The following GNG7 variants were observed in gnomAD, a reference collection of about 807,000 sequenced individuals.
The protein encoded by GNG7 is G protein subunit gamma 7.
A neutral mutation model predicts 4.0 loss-of-function variants in GNG7; 1 was observed. That is an observed-to-expected ratio of 0.25 (90% CI 0.09 to 1.18). The LOEUF (loss-of-function observed/expected upper bound fraction) is 1.18, where lower values mean the gene tolerates loss of function less well. Ranked by LOEUF, GNG7 falls within the 50% of genes most tolerant of loss-of-function variation. GNG7 has a pLI of 0.50. For synonymous variants in GNG7, 34 were observed against 36.9 expected (o/e 0.92, Z 0.29); for missense variants, 86 against 91.9 (o/e 0.94, Z 0.26).
chr19:2,526,779 A>G (rs1339655113), intron 3 of GNG7, among the ~76,000 whole-genome samples: 1 of 150,074 alleles, frequency 6.7e-6, no homozygotes, highest in Non-Finnish European at 1.5e-5. Context: ...TTAGATTACT[A>G]TTTTATATCT....
chr19:2,515,308 T>C (rs1424685874), intron 4 of GNG7, among the ~76,000 whole-genome samples, 161 bp from the exon 5 acceptor site: 1 of 152,150 alleles, frequency 6.6e-6, no homozygotes, highest in African/African-American at 2.4e-5. Context: ...CGCTGGAATA[T>C]TACTCAGCCA....
At position 2,557,263 on chromosome 19, in the gene GNG7, A is replaced by G. The variant is rs1281498327; in HGVS notation, c.-77-2075T>C. Among the ~76,000 whole-genome samples, 1 of 149,910 alleles carries G rather than the reference A, an allele frequency of 6.7e-6. No homozygotes were observed. Among genetic ancestry groups the G allele is most frequent in the Non-Finnish European group, 1.5e-5 (1 of 67,904 alleles). ...CACATGTGCACACACACGTGCACAC[A>G]CATTTGCACACACAGACACGTGCAC... On this transcript the variant is annotated intron_variant, in intron 2 of 4. Coordinates refer to ENST00000382159, the MANE Select transcript of GNG7 (RefSeq NM_052847.3). This position sits in a 1 kb window ranked among gnomAD's most constrained non-coding sequence, Gnocchi z 5.1.
At chr19:2,656,132 C>T (rs1198804332) in intron 1 of GNG7, among the ~76,000 whole-genome samples, 1 of 150,944 alleles carries the variant, frequency 6.6e-6, no homozygotes, top group African/African-American at 2.4e-5. Context: ...ATGAGCACAG[C>T]CATTCTGGAG....
rs1197906252 is a variant in GNG7, at chr19:2,557,366, C to T, written c.-77-2178G>A. On this transcript the variant is annotated intron_variant, in intron 2 of 4. Coordinates refer to ENST00000382159, the MANE Select transcript of GNG7 (RefSeq NM_052847.3). This position sits in a 1 kb window ranked among gnomAD's most constrained non-coding sequence, Gnocchi z 5.1. ...ATGTGCACACACACAGACACACACACACGTGCACGCACACATGCACGCAGG... is the reference window on the plus strand; with the variant it reads ...ATGTGCACACACACAGACACACACATACGTGCACGCACACATGCACGCAGG... Among the ~76,000 whole-genome samples, 1 of 152,138 alleles carries T rather than the reference C, an allele frequency of 6.6e-6. No homozygotes were observed. Among genetic ancestry groups the T allele is most frequent in the African/African-American group, 2.4e-5 (1 of 41,428 alleles).
At chr19:2,687,175 G>A (rs952039624) in intron 1 of GNG7, among the ~76,000 whole-genome samples, 6 of 151,456 alleles carry the variant, frequency 4.0e-5, no homozygotes, top group South Asian at 4.2e-4. Flanking sequence ...CTCCTGCCTC[G>A]GACTCCCGAG....
rs371155282 is a variant in GNG7 at position 2,652,874 on chromosome 19, G to C, written c.-134-6594C>G. On this transcript the variant is annotated intron_variant, in intron 1 of 4. Coordinates refer to ENST00000382159, the MANE Select transcript of GNG7 (RefSeq NM_052847.3). ...GAGGTGGGAGGATTGCTGAAGGCCA[G>C]AAGTTTGCAACCAGCCTGGGCAACA... is the stretch of plus-strand genomic sequence containing the variant. 3.9e-5 allele frequency among the ~76,000 whole-genome samples: 6 copies of C among 151,972 alleles called. No individual in the cohort carries two copies. The East Asian group carries it at 9.7e-4, about 24-fold the overall frequency.
chr19:2,649,739 C>T (rs1982761092), intron 1 of GNG7, among the ~76,000 whole-genome samples: 1 of 152,158 alleles, frequency 6.6e-6, no homozygotes, highest in Non-Finnish European at 1.5e-5. Context: ...CTGTACCATA[C>T]AACTCGCCCA....
In GNG7 at chr19:2,566,645, T is replaced by A. The variant is rs532948412; in HGVS notation, c.-77-11457A>T. 3.3e-5 allele frequency among the ~76,000 whole-genome samples: 5 copies of A among 152,258 alleles called. No homozygotes were observed. In the South Asian group the frequency reaches 1.0e-3, roughly 32 times the overall value. ...TGGCTAGAGGTTGTAAGGCCAGGGTTGGCAACATTTTCCTGTAAAAGGCCA... is the reference window on the plus strand; with the variant it reads ...TGGCTAGAGGTTGTAAGGCCAGGGTAGGCAACATTTTCCTGTAAAAGGCCA... On this transcript the variant is annotated intron_variant, in intron 2 of 4. Transcript: ENST00000382159.
At chr19:2,603,586 G>A (rs1018194628) in intron 2 of GNG7, among the ~76,000 whole-genome samples, 2 of 152,208 alleles carry the variant, frequency 1.3e-5, no homozygotes, top group African/African-American at 4.8e-5. Flanking sequence ...CTGGACTGGA[G>A]ATCGACCAAA....
chr19:2,560,682 C>T (rs772950999), intron 2 of GNG7, among the ~76,000 whole-genome samples: 70 of 152,096 alleles, frequency 4.6e-4, no homozygotes, highest in African/African-American at 1.5e-3. Context: ...AAAAGCTGGG[C>T]GCGGTGGCTC....
At chr19:2,559,099 C>T (rs1979657685) in intron 2 of GNG7, among the ~76,000 whole-genome samples, 1 of 151,726 alleles carries the variant, frequency 6.6e-6, no homozygotes, top group African/African-American at 2.4e-5. Context: ...CGCGCCCAGC[C>T]AGTTATATTC....
At chr19:2,673,138 T>C (rs934756787) in intron 1 of GNG7, among the ~76,000 whole-genome samples, 1 of 151,550 alleles carries the variant, frequency 6.6e-6, no homozygotes, top group Non-Finnish European at 1.5e-5. Flanking sequence ...GCGCCTGTAG[T>C]CCCAGCTACT....
At chr19:2,677,692 G>A (rs1026706084) in intron 1 of GNG7, among the ~76,000 whole-genome samples, 2 of 152,088 alleles carry the variant, frequency 1.3e-5, no homozygotes, top group African/African-American at 4.8e-5. Context: ...ATGAGACACA[G>A]AGTTTCTTGG....
intron 1 of GNG7, among the ~76,000 whole-genome samples, chr19:2,650,134 T>A (rs1484263374): frequency 6.6e-6 from 1 of 151,984 alleles, no homozygotes; most frequent in Non-Finnish European, 1.5e-5. Context: ...TCGTTCCTTC[T>A]TGTTGGCAAT....
intron 2 of GNG7, among the ~76,000 whole-genome samples, chr19:2,612,952 A>G (rs1981616642): frequency 6.6e-6 from 1 of 152,020 alleles, no homozygotes; most frequent in African/African-American, 2.4e-5. Context: ...TCGGCCTCCC[A>G]AAGTGTTGAG....
intron 2 of GNG7, among the ~76,000 whole-genome samples, chr19:2,604,114 T>A (rs1981300998): frequency 1.3e-5 from 2 of 151,748 alleles, no homozygotes; most frequent in African/African-American, 4.8e-5. Context: ...CCCCCCAAAG[T>A]GCTAGGATTA....
intron 1 of GNG7, among the ~76,000 whole-genome samples, chr19:2,676,804 G>C (rs533419679): frequency 3.8e-4 from 58 of 152,234 alleles, no homozygotes; most frequent in Non-Finnish European, 7.9e-4. Flanking sequence ...GGCTGGAGGA[G>C]TTGGGTGTAA....
At chr19:2,683,840 G>T (rs547527412) in intron 1 of GNG7, 1 of 152,298 alleles carries the variant, frequency 6.6e-6, no homozygotes, top group African/African-American at 2.4e-5. Context: ...GCTTGCTGCC[G>T]GGAGGTACCC....
At chr19:2,518,617 C>T (rs1043394092) in intron 4 of GNG7, among the ~76,000 whole-genome samples, 9 of 152,038 alleles carry the variant, frequency 5.9e-5, no homozygotes, top group East Asian at 3.9e-4. Context: ...TCCGCCTCCC[C>T]GCTGGGAGCA....
Sources: gnomAD v4.1 joint callset for allele counts (sites outside exome capture counted in the v4.1 genomes callset) on GRCh38, gnomAD v4.1.1 for gene constraint, Gnocchi (gnomAD v3.1) non-coding constraint, MANE v1.5 for transcripts, NCBI Gene and HGNC (gene_info 2026-07-23, HGNC 2026-07-21) for gene names.